MMP19: variants seen among roughly 807,000 people sequenced by gnomAD.
MMP19 encodes matrix metalloproteinase-19.
A neutral mutation model predicts 46.6 loss-of-function variants in MMP19; 47 were observed. The ratio of observed to expected loss-of-function variants is 1.01; its 90% CI spans 0.80 to 1.29. The LOEUF is 1.29. Among genes scored for constraint, MMP19 ranks in the 50% most tolerant of loss-of-function variants. The pLI, the probability that MMP19 is intolerant of heterozygous loss-of-function variation, is 0.00. For missense variants in MMP19, 589 were observed against 643.5 expected (o/e 0.92, Z 0.92); for synonymous variants, 222 against 248.5 (o/e 0.89, Z 1.00).
Position 55,842,463 on chromosome 12 carries a change from G to T in MMP19, c.88-25C>A, listed in dbSNP as rs552639608. The T allele has an allele frequency of 2.7e-4, 420 of 1,538,182 alleles. 8 individuals carry two copies. The South Asian group carries it at 4.6e-3, about 17-fold the overall frequency. On this transcript the variant is annotated intron_variant, in intron 1 of 8. Coordinates refer to ENST00000322569, the MANE Select transcript of MMP19 (RefSeq NM_002429.6). ...CCTATGATGGGAGTGGAGGTAAGCAGGTTAAAAGGGGGTTAGTCTCAGAGT... is the reference window on the plus strand; with the variant it reads ...CCTATGATGGGAGTGGAGGTAAGCATGTTAAAAGGGGGTTAGTCTCAGAGT...
chr12:55,837,715 C>T (rs1370378188), intron 7 of MMP19, 33 bp from the exon 8 acceptor site: 1 of 1,614,014 alleles, frequency 6.2e-7, no homozygotes, highest in Non-Finnish European at 8.5e-7. Flanking sequence ...CAAGTCACCT[C>T]TGTCCTCAGG....
intron 4 of MMP19, among the ~76,000 whole-genome samples, chr12:55,840,266 AT>A (rs1217316966): frequency 3.5e-5 from 5 of 142,560 alleles, no homozygotes; most frequent in Admixed American, 7.6e-5. Context: ...GTGAGCCATG[AT>A]TGTGTCACTG....
chr12:55,842,271 T>C (rs1881749255), intron 2 of MMP19, 82 bp downstream of exon 2: 7 of 1,108,968 alleles, frequency 6.3e-6, no homozygotes, highest in Non-Finnish European at 8.3e-6. Context: ...CAGGAGGAGG[T>C]GGGCCTGGGG....
intron 8 of MMP19, 69 bp from the exon 9 acceptor site, chr12:55,837,443 C>T (rs1304113034): frequency 1.3e-6 from 2 of 1,575,844 alleles, no homozygotes; most frequent in Non-Finnish European, 1.7e-6. Flanking sequence ...GGGGTCCACC[C>T]CCAGCCCACT....
intron 4 of MMP19, among the ~76,000 whole-genome samples, chr12:55,840,417 G>A (rs1206133042): frequency 2.9e-4 from 40 of 136,692 alleles, no homozygotes; most frequent in South Asian, 5.3e-4. Context: ...AGGGAGGGAG[G>A]GAGAGAAGGA....
chr12:55,838,353 TTGC>T (rs1881411723), intron 6 of MMP19: 1 of 756,776 alleles, frequency 1.3e-6, no homozygotes. Context: ...TTTCTCCATC[TTGC>T]TGCATTTCCA....
rs1400798954 is a variant in MMP19, at chr12:55,842,842, A to G, written c.-12T>C. The G allele has an allele frequency of 6.3e-7, 1 of 1,583,990 alleles. No individual in the cohort carries two copies. The highest frequency in any genetic ancestry group is 2.3e-5 in the East Asian group (1 of 43,036). Reference sequence around the variant, plus strand: ...TGCTGGCAGTTCATGGTCCCACCAGACGAGAGCTCCAGAGGCTGTCCGTGC... The same window carrying G: ...TGCTGGCAGTTCATGGTCCCACCAGGCGAGAGCTCCAGAGGCTGTCCGTGC... On this transcript the variant is annotated 5_prime_UTR_variant, in exon 1 of 9. Coordinates refer to ENST00000322569, the MANE Select transcript of MMP19 (RefSeq NM_002429.6).
In MMP19 at chr12:55,837,334, T is replaced by C. The variant is rs1229226101; in HGVS notation, c.1229A>G (p.Asp410Gly). The C allele has an allele frequency of 6.2e-7, 1 of 1,610,330 alleles. No homozygotes were observed. Among genetic ancestry groups the C allele is most frequent in the East Asian group, 2.2e-5 (1 of 44,756 alleles). ...GATTGGTTTGGGGTAGCTGCTGAAG[T>C]CAGTTCGGGCTAGCTCGTCCCACTG... is the stretch of plus-strand genomic sequence containing the variant. ...YWQWDELART[D>G]FSSYPKPIKG... is the part of the protein sequence containing the mutation. Residue 410 changes from aspartate to glycine, a missense_variant, in exon 9 of 9, where the codon GAC becomes GGC. Physicochemically the swap from Asp to Gly is moderately conservative, Grantham distance 94 (BLOSUM62 -1). Transcript: ENST00000322569.
Position 55,838,593 on chromosome 12 carries a change from G to A in MMP19, c.895+13C>T, listed in dbSNP as rs902186430. 6.2e-6 allele frequency: 10 copies of A among 1,614,072 alleles called. No individual in the cohort carries two copies. Among genetic ancestry groups the A allele is most frequent in the Non-Finnish European group, 8.5e-6 (10 of 1,180,048 alleles). ...CCACCGCCTGCCAACAGCCTGGAGG[G>A]GAGGGGCCTCACCCAGCATCATGGC... On this transcript the variant is annotated intron_variant, in intron 6 of 8. Transcript: ENST00000322569.
chr12:55,841,078 C>T (rs865980253), intron 3 of MMP19, 28 bp downstream of exon 3: 1 of 1,603,552 alleles, frequency 6.2e-7, no homozygotes, highest in Non-Finnish European at 8.5e-7. Flanking sequence ...CCCCTCCTCT[C>T]CCTCTCTTTT....
rs755963167 is a variant in MMP19 at position 55,842,364 on chromosome 12, G to A, written c.162C>T (p.Thr54=). The A allele has an allele frequency of 8.7e-6, 14 of 1,613,432 alleles. No homozygotes were observed. Among genetic ancestry groups the A allele is most frequent in the East Asian group, 4.5e-5 (2 of 44,890 alleles). ...TCATAGCTTCTCACCTCAGAGCCTC[G>A]GTGATATCTTCTGGCTTGAAGTTAT... ...GSNNFKPEDI[T]EALRAFQEAS... The change falls in exon 2 of 9, where the codon ACC becomes ACT. Residue 54 remains threonine (T), a synonymous_variant. Transcript: ENST00000322569.
chr12:55,840,814 C>A lies in MMP19; in HGVS notation c.373G>T (p.Ala125Ser). The A allele has an allele frequency of 1.2e-6, 2 of 1,611,644 alleles. No homozygotes were observed. Among genetic ancestry groups the A allele is most frequent in the East Asian group, 2.2e-5 (1 of 44,774 alleles). ...AAGGCTTGACGCAGGGCTGCCCGGG[C>A]TGTGTGGGGTGGAAGGGTGGAGGGC... ...NLPSTLPPHT[A>S]RAALRQAFQD... Residue 125 changes from alanine (A) to serine (S), a missense_variant, in exon 4 of 9, where the codon GCC becomes TCC. By Grantham distance (99) the Ala-to-Ser change is moderately conservative. Transcript: ENST00000322569.
At chr12:55,837,397 G>T in intron 8 of MMP19, 23 bp from the exon 9 acceptor site, 1 of 1,585,580 alleles carries the variant, frequency 6.3e-7, no homozygotes, top group Non-Finnish European at 8.6e-7. Context: ...TGGGTGGGGA[G>T]AGGGGAGAGG....
At chr12:55,837,520 TAAG>T in intron 8 of MMP19, 32 bp downstream of exon 8, 1 of 1,613,584 alleles carries the variant, frequency 6.2e-7, no homozygotes. Flanking sequence ...CCACTCCTCC[TAAG>T]AAGGGATTTG....
chr12:55,837,330 G>A lies in MMP19; in HGVS notation c.1233C>T (p.Phe411=). The change falls in exon 9 of 9, where the codon TTC becomes TTT. Residue 411 remains phenylalanine, a synonymous_variant. Transcript: ENST00000322569. ...WQWDELARTD[F]SSYPKPIKGL... Reference sequence around the variant, plus strand: ...CCTTGATTGGTTTGGGGTAGCTGCTGAAGTCAGTTCGGGCTAGCTCGTCCC... The same window carrying A: ...CCTTGATTGGTTTGGGGTAGCTGCTAAAGTCAGTTCGGGCTAGCTCGTCCC... The A allele has an allele frequency of 6.2e-7, 1 of 1,611,120 alleles. No homozygotes were observed. Among genetic ancestry groups the A allele is most frequent in the African/African-American group, 1.3e-5 (1 of 74,986 alleles).
intron 4 of MMP19, among the ~76,000 whole-genome samples, chr12:55,840,251 C>T (rs1371973835): frequency 1.3e-5 from 2 of 150,098 alleles, no homozygotes; most frequent in Non-Finnish European, 3.0e-5. Context: ...GAGGTTGAGG[C>T]TGCAGTGAGC....
rs1198108837 is a variant in MMP19, at chr12:55,837,376, T to A, written c.1189-2A>T. ...GTCCCACTGCCAGTACCCGGAGCCC[T>A]GGATATGGGATGGGTGGGGAGAGGG... On this transcript the variant is annotated splice_acceptor_variant, in intron 8 of 8. Transcript: ENST00000322569. LOFTEE classifies it high-confidence loss of function. 6.3e-7 allele frequency: 1 copy of A among 1,596,036 alleles called. No homozygotes were observed. Among genetic ancestry groups the A allele is most frequent in the East Asian group, 2.2e-5 (1 of 44,508 alleles).
intron 4 of MMP19, 91 bp from the exon 5 acceptor site, chr12:55,839,832 C>T (rs531149022): frequency 1.3e-4 from 192 of 1,444,664 alleles, no homozygotes; most frequent in Middle Eastern, 1.1e-3. Context: ...TAATGCATAC[C>T]TTTAAAATTC....
At position 55,839,532 on chromosome 12, in the gene MMP19, G is replaced by A. The variant is rs750689882; in HGVS notation, c.730C>T (p.His244Tyr). ...YEGYRPHFKL[H>Y]PDDVAGIQAL... ...TGGATCCCTGCCACATCATCTGGGT[G>A]CAGCTTAAAGTGGGGCCGGTAGCCC... is the stretch of plus-strand genomic sequence containing the variant. Residue 244 changes from histidine to tyrosine, a missense_variant, in exon 5 of 9, where the codon CAC becomes TAC. His to Tyr is a moderately conservative substitution (Grantham distance 83). Transcript: ENST00000322569. 2 of 1,612,956 alleles carry A rather than the reference G, an allele frequency of 1.2e-6. No individual in the cohort carries two copies. Among genetic ancestry groups the A allele is most frequent in the Admixed American group, 1.7e-5 (1 of 59,996 alleles).
Sources: gnomAD v4.1 joint callset for allele counts (sites outside exome capture counted in the v4.1 genomes callset) on GRCh38, gnomAD v4.1.1 for gene constraint, MANE v1.5 for transcripts, NCBI Gene and HGNC (gene_info 2026-07-23, HGNC 2026-07-21) for gene names.